Variants in HMCN1 observed in about 807,000 individuals in gnomAD.
HMCN1 encodes hemicentin 1.
A neutral mutation model predicts 625.9 loss-of-function variants in HMCN1; 321 were observed. That is an observed-to-expected ratio of 0.51 (90% CI 0.47 to 0.56). HMCN1 has a LOEUF of 0.56. HMCN1 is among the 20% of genes least tolerant of loss of function. HMCN1 has a pLI of 0.00. For synonymous variants in HMCN1, 2,425 were observed against 2,417.6 expected, an observed-to-expected ratio of 1.00 and a Z score of -0.09; for missense variants, 6,588 against 6,887.3, an observed-to-expected ratio of 0.96 and a Z score of 1.54.
Position 185,784,647 on chromosome 1 carries a change from C to G in HMCN1, c.268+49600C>G, listed in dbSNP as rs1231976160. On this transcript the variant is annotated intron_variant, in intron 1 of 106. Coordinates refer to ENST00000271588, the MANE Select transcript of HMCN1 (RefSeq NM_031935.3). ...TGGAAATTTCTGAACCTGTGACACACTGTCATGGTAGGGAGGCCTATTTAT... is the reference window on the plus strand; with the variant it reads ...TGGAAATTTCTGAACCTGTGACACAGTGTCATGGTAGGGAGGCCTATTTAT... Among the ~76,000 whole-genome samples, 3 of 152,212 alleles carry G rather than the reference C, an allele frequency of 2.0e-5. No homozygotes were observed. In the East Asian group the frequency reaches 5.8e-4, roughly 29 times the overall value.
chr1:186,125,853 T>A (rs1661615991), intron 82 of HMCN1, 59 bp downstream of exon 82: 1 of 1,280,934 alleles, frequency 7.8e-7, no homozygotes, highest in Non-Finnish European at 1.1e-6. Context: ...GCCATCATAC[T>A]TTTAGTAATT....
intron 82 of HMCN1, 97 bp from the exon 83 acceptor site, chr1:186,127,981 A>G: frequency 7.0e-6 from 7 of 1,000,496 alleles, no homozygotes. Context: ...TCTTTGGATA[A>G]GAGAGTTTCT....
chr1:185,943,571 T>C (rs527254454), intron 11 of HMCN1, among the ~76,000 whole-genome samples: 3 of 152,220 alleles, frequency 2.0e-5, no homozygotes, highest in Non-Finnish European at 2.9e-5. Flanking sequence ...TTGTACAAAG[T>C]ATATGGGAGG....
chr1:185,869,553 G>C lies in HMCN1; in HGVS notation c.621+3690G>C, dbSNP rs116674826. ...TCTGAGTAGAAGAATCCAGGAAGAG[G>C]CTGGACAGTTTTCTTTTTTCACTGT... On this transcript the variant is annotated intron_variant, in intron 4 of 106. Transcript: ENST00000271588. 9.2e-3 allele frequency among the ~76,000 whole-genome samples: 1,404 copies of C among 152,078 alleles called. 30 individuals are homozygous for C. The highest frequency in any genetic ancestry group is 0.033 in the African/African-American group (1,355 of 41,494).
At chr1:186,060,097 A>G (rs1657591689) in intron 46 of HMCN1, among the ~76,000 whole-genome samples, 1 of 152,092 alleles carries the variant, frequency 6.6e-6, no homozygotes, top group Non-Finnish European at 1.5e-5. Flanking sequence ...CAATTGGGAA[A>G]AAAAGGCTAA....
At position 185,997,477 on chromosome 1, in the gene HMCN1, A is replaced by C; in HGVS notation, c.3827A>C (p.Gln1276Pro). The C allele has an allele frequency of 6.2e-7, 1 of 1,612,988 alleles. No individual in the cohort carries two copies. The highest frequency in any genetic ancestry group is 8.5e-7 in the Non-Finnish European group (1 of 1,179,314). Residue 1276 changes from glutamine (Q) to proline (P), a missense_variant, in exon 25 of 107, where the codon CAA (glutamine) becomes CCA (proline). Around this residue, in one of 3 missense-constraint regions of HMCN1, gnomAD observed 4,628 missense variants for 4,853.1 expected, o/e 0.95. Transcript: ENST00000271588. ...GAACCTCCATATAACACTACTTTCC[A>C]AGAAAGAGTGGCCAATCAACGCATT... ...DLEPPYNTTF[Q>P]ERVANQRIEF... is the part of the protein sequence containing the mutation.
intron 46 of HMCN1, among the ~76,000 whole-genome samples, chr1:186,060,692 G>A (rs1021371251): frequency 6.6e-6 from 1 of 152,240 alleles, no homozygotes; most frequent in South Asian, 2.1e-4. Flanking sequence ...ATTCCATGAA[G>A]CTTAATTGAA....
chr1:186,173,303 T>C (rs1652347646), intron 102 of HMCN1, among the ~76,000 whole-genome samples: 1 of 152,108 alleles, frequency 6.6e-6, no homozygotes. Context: ...TGGTTTAGTA[T>C]AATTTAAAAA....
chr1:186,008,643 C>T (rs79531140), intron 30 of HMCN1, among the ~76,000 whole-genome samples: 3,362 of 152,192 alleles, frequency 0.022, 129 homozygotes, highest in African/African-American at 0.076. Context: ...ATTTCCTAAA[C>T]CCTCTGGGCT....
chr1:186,065,210 G>C (rs1195025889), intron 48 of HMCN1, 28 bp from the exon 49 acceptor site: 2 of 1,583,406 alleles, frequency 1.3e-6, no homozygotes, highest in Non-Finnish European at 1.7e-6. Context: ...GTAATTATTA[G>C]CTGACTCTCA....
At chr1:185,929,617 G>C (rs1278779137) in intron 10 of HMCN1, among the ~76,000 whole-genome samples, 1 of 152,020 alleles carries the variant, frequency 6.6e-6, no homozygotes, top group East Asian at 1.9e-4. Context: ...TTTTAGTGCT[G>C]ATGTGCATTT....
chr1:185,793,935 A>G (rs1012044270), intron 1 of HMCN1, among the ~76,000 whole-genome samples: 7 of 152,204 alleles, frequency 4.6e-5, no homozygotes, highest in Non-Finnish European at 8.8e-5. Context: ...ACTAAGAACT[A>G]TCAGAAAGTT....
In HMCN1 at chr1:186,055,504, C is replaced by T. The variant is rs147722917; in HGVS notation, c.6974C>T (p.Thr2325Ile). The T allele has an allele frequency of 2.2e-5, 36 of 1,612,922 alleles. No homozygotes were observed. The highest frequency in any genetic ancestry group is 1.9e-4 in the African/African-American group (14 of 74,914). Residue 2325 changes from threonine (T) to isoleucine (I), a missense_variant, in exon 45 of 107, where the codon ACC becomes ATC. Physicochemically the swap from Thr to Ile is moderately conservative, Grantham distance 89. Transcript: ENST00000271588. ...CAGGGTATTCCACCACCAACAGTGA[C>T]CTGGATGAAAGATGGCCACCCCTTG... ...EVQGIPPPTV[T>I]WMKDGHPLIK...
chr1:185,746,233 C>G (rs1654385094), intron 1 of HMCN1, among the ~76,000 whole-genome samples: 2 of 152,128 alleles, frequency 1.3e-5, no homozygotes, highest in Non-Finnish European at 2.9e-5. Flanking sequence ...GCCCCGGAGT[C>G]TGATGTTTGG....
chr1:186,110,124 C>T (rs1660807006), intron 71 of HMCN1, among the ~76,000 whole-genome samples: 1 of 152,090 alleles, frequency 6.6e-6, no homozygotes, highest in African/African-American at 2.4e-5. Flanking sequence ...TTGTAGAAAT[C>T]ATTTTAAAAT....
chr1:186,011,701 G>A (rs1243573548), intron 30 of HMCN1, among the ~76,000 whole-genome samples: 1 of 152,090 alleles, frequency 6.6e-6, no homozygotes, highest in African/African-American at 2.4e-5. Context: ...CTCACTTTTT[G>A]CTTGAACTTT....
At chr1:185,866,495 C>T (rs1411033630) in intron 4 of HMCN1, among the ~76,000 whole-genome samples, 1 of 149,126 alleles carries the variant, frequency 6.7e-6, no homozygotes, top group Non-Finnish European at 1.5e-5. Flanking sequence ...AGCTCTGCCT[C>T]CTGGGTTCAC....
chr1:186,089,360 T>A (rs1329713175), intron 63 of HMCN1, among the ~76,000 whole-genome samples: 1 of 152,012 alleles, frequency 6.6e-6, no homozygotes, highest in Non-Finnish European at 1.5e-5. Flanking sequence ...GAAACTAAGT[T>A]GAAATACTTT....
Position 186,117,494 on chromosome 1 carries a change from C to G in HMCN1, c.11719C>G (p.Leu3907Val). 6.2e-7 allele frequency: 1 copy of G among 1,613,770 alleles called. No homozygotes were observed. The highest frequency in any genetic ancestry group is 2.2e-5 in the East Asian group (1 of 44,858). Reference protein sequence around the residue: ...PSIADEPTDFLVTKHAPAVIT... With the variant: ...PSIADEPTDFVVTKHAPAVIT... ...CATAGCTGATGAGCCTACAGATTTC[C>G]TAGTAACCAAACATGCCCCAGCAGT... Residue 3907 changes from leucine (L) to valine (V), a missense_variant, in exon 77 of 107, where the codon CTA becomes GTA. By Grantham distance (32) the Leu-to-Val change is conservative. This residue lies in a region of HMCN1 where 4,628 missense variants were observed against 4,853.1 expected (regional missense o/e 0.95). Transcript: ENST00000271588.
Sources: allele counts gnomAD v4.1 joint callset (sites outside exome capture counted in the v4.1 genomes callset), GRCh38; gene constraint gnomAD v4.1.1; regional missense constraint gnomAD v4.1.1; transcripts MANE v1.5; gene names NCBI Gene and HGNC (gene_info 2026-07-23, HGNC 2026-07-21).